PTPRT: variants seen among roughly 807,000 people sequenced by gnomAD.
The protein encoded by PTPRT is receptor-type tyrosine-protein phosphatase T.
Under a neutral mutation model 176.8 loss-of-function variants are expected in PTPRT, and 56 were observed. The observed-to-expected ratio is 0.32, with a 90% CI of 0.26 to 0.40. PTPRT has a LOEUF of 0.40. PTPRT is among the 10% of genes least tolerant of loss of function. The probability of loss-of-function intolerance (pLI) is 1.00; values close to 1 mark genes in which losing one functional copy is unlikely to be tolerated. For synonymous variants in PTPRT, 783 were observed against 739.0 expected (o/e 1.06, Z -0.96); for missense variants, 1,540 against 1,908.2 (o/e 0.81, Z 3.60).
chr20:42,254,703 CT>C (rs1259736910), intron 13 of PTPRT, among the ~76,000 whole-genome samples: 1 of 152,150 alleles, frequency 6.6e-6, no homozygotes, highest in Non-Finnish European at 1.5e-5. Flanking sequence ...AGCCCAGACC[CT>C]TTCAATGCGG....
chr20:42,776,571 C>T (rs959421673), intron 4 of PTPRT, among the ~76,000 whole-genome samples: 1 of 152,174 alleles, frequency 6.6e-6, no homozygotes, highest in Non-Finnish European at 1.5e-5. Context: ...TGACCTTGAA[C>T]TGCCAGCCTC....
At chr20:42,915,860 G>A (rs1471737276) in intron 1 of PTPRT, among the ~76,000 whole-genome samples, 6 of 151,652 alleles carry the variant, frequency 4.0e-5, no homozygotes, top group South Asian at 4.2e-4. Flanking sequence ...CAGTCTCCCC[G>A]AGAGTTCTGG....
intron 27 of PTPRT, among the ~76,000 whole-genome samples, chr20:42,095,986 C>T (rs1166777173): frequency 6.6e-6 from 1 of 152,124 alleles, no homozygotes; most frequent in Admixed American, 6.5e-5. Flanking sequence ...CAGTTATATC[C>T]CCAGTTGCCT....
chr20:42,512,057 A>G (rs1289080641), intron 7 of PTPRT, among the ~76,000 whole-genome samples: 2 of 152,184 alleles, frequency 1.3e-5, no homozygotes, highest in Admixed American at 6.6e-5. Flanking sequence ...AACTACTCAT[A>G]GCAATTTTGG....
intron 6 of PTPRT, chr20:42,685,516 T>G (rs2075677084): frequency 6.6e-6 from 1 of 152,060 alleles, no homozygotes; most frequent in Admixed American, 6.6e-5. Flanking sequence ...CACACAGCAT[T>G]TAGGGAATGC....
intron 11 of PTPRT, among the ~76,000 whole-genome samples, chr20:42,318,929 C>T (rs1362817617): frequency 6.6e-6 from 1 of 152,186 alleles, no homozygotes; most frequent in Non-Finnish European, 1.5e-5. Flanking sequence ...AGAGGAACCA[C>T]ATGGCTGTCC....
intron 7 of PTPRT, among the ~76,000 whole-genome samples, chr20:42,481,776 A>AC (rs2071389069): frequency 1.7e-5 from 2 of 121,156 alleles, no homozygotes; most frequent in Non-Finnish European, 3.5e-5. Context: ...ATACACACAC[A>AC]AACACACACA....
intron 12 of PTPRT, among the ~76,000 whole-genome samples, chr20:42,297,465 T>C (rs1480212863): frequency 6.6e-6 from 1 of 152,200 alleles, no homozygotes; most frequent in Non-Finnish European, 1.5e-5. Context: ...CATTTCACTC[T>C]AATTAATGTA....
At chr20:42,411,517 C>CAAAAAAAAAA (rs10591184) in intron 9 of PTPRT, among the ~76,000 whole-genome samples, 14 of 88,318 alleles carry the variant, frequency 1.6e-4, no homozygotes, top group East Asian at 3.6e-4. Context: ...AACCCTGTCT[C>CAAAAAAAAAA]AAAAAAAAAA....
chr20:42,330,261 G>A (rs2057948634), intron 11 of PTPRT, among the ~76,000 whole-genome samples: 2 of 151,950 alleles, frequency 1.3e-5, no homozygotes, highest in South Asian at 2.1e-4. Context: ...ACCTGAGATC[G>A]GGAGTTCAAC....
intron 7 of PTPRT, among the ~76,000 whole-genome samples, chr20:42,569,081 A>AAAAAAAAAAACACATATCTATATATATAT (rs1568984651): frequency 3.2e-5 from 1 of 30,802 alleles, no homozygotes; most frequent in African/African-American, 1.3e-4. Flanking sequence ...AAAAAAAAAA[A>AAAAAAAAAAACACATATCTATATATATAT]ATATATATAT....
At chr20:42,825,117 T>G (rs1205088016) in intron 2 of PTPRT, among the ~76,000 whole-genome samples, 1 of 152,084 alleles carries the variant, frequency 6.6e-6, no homozygotes, top group Non-Finnish European at 1.5e-5. Flanking sequence ...GGACTACCAG[T>G]TGTCTCAATG....
At chr20:42,053,258 A>C in the PTPRT span, among the ~76,000 whole-genome samples, 68,107 of 152,012 alleles carry the variant, frequency 0.45, 18,412 homozygotes, top group African/African-American at 0.77. Context: ...ATTTTTGTAA[A>C]TATCATGGAT....
At position 42,301,971 on chromosome 20, in the gene PTPRT, C is replaced by T. The variant is rs190339505; in HGVS notation, c.2139+13752G>A. Among the ~76,000 whole-genome samples, 53 of 152,236 alleles carry T rather than the reference C, an allele frequency of 3.5e-4. No homozygotes were observed. The East Asian group carries it at 3.7e-3, about 11-fold the overall frequency. On this transcript the variant is annotated intron_variant, in intron 12 of 30. Transcript: ENST00000373187. Reference sequence around the variant, plus strand: ...GTGTGAAACGTTTCTTAGCTAACAACGTGTGTTTTAAAGGTGAGAACAATA... The same window carrying T: ...GTGTGAAACGTTTCTTAGCTAACAATGTGTGTTTTAAAGGTGAGAACAATA...
At chr20:43,070,920 A>T (rs1389753523) in intron 1 of PTPRT, among the ~76,000 whole-genome samples, 1 of 151,684 alleles carries the variant, frequency 6.6e-6, no homozygotes, top group Non-Finnish European at 1.5e-5. Context: ...ATACATATGT[A>T]ACAAACCTGC....
intron 1 of PTPRT, among the ~76,000 whole-genome samples, chr20:43,105,316 C>G (rs2012557843): frequency 6.6e-6 from 1 of 152,252 alleles, no homozygotes; most frequent in East Asian, 1.9e-4. Context: ...CTTCCAGCTT[C>G]ATCTCTCCCC....
At chr20:42,292,342 T>C (rs1008357266) in intron 12 of PTPRT, among the ~76,000 whole-genome samples, 1 of 152,136 alleles carries the variant, frequency 6.6e-6, no homozygotes, top group Admixed American at 6.6e-5. Flanking sequence ...CTTTTCTTTT[T>C]TCTTTTTGAA....
intron 11 of PTPRT, among the ~76,000 whole-genome samples, chr20:42,329,058 C>T (rs1425701094): frequency 1.3e-5 from 2 of 151,974 alleles, no homozygotes; most frequent in Admixed American, 6.6e-5. Flanking sequence ...GCAGAAGACA[C>T]CACAAGCTTA....
intron 19 of PTPRT, among the ~76,000 whole-genome samples, chr20:42,124,674 T>G (rs1600554276): frequency 6.6e-6 from 1 of 152,062 alleles, no homozygotes; most frequent in African/African-American, 2.4e-5. Flanking sequence ...GGTGATGGAG[T>G]GAGGACCTAG....
Sources: allele counts gnomAD v4.1 joint callset (sites outside exome capture counted in the v4.1 genomes callset), GRCh38; gene constraint gnomAD v4.1.1; transcripts MANE v1.5; gene names NCBI Gene and HGNC (gene_info 2026-07-23, HGNC 2026-07-21).